Variants in RAB2A observed in about 807,000 individuals in gnomAD.
RAB2A encodes RAB2A, member RAS oncogene family.
In RAB2A, 7 loss-of-function variants were observed where a neutral mutation model predicts 32.5. That is an observed-to-expected ratio of 0.22 (90% CI 0.12 to 0.40). The LOEUF is 0.40. RAB2A is among the 10% of genes least tolerant of loss of function. The pLI is 1.00. For synonymous variants in RAB2A, 79 were observed against 85.2 expected, an observed-to-expected ratio of 0.93 and a Z score of 0.40; for missense variants, 108 against 260.7, an observed-to-expected ratio of 0.41 and a Z score of 4.03.
intron 6 of RAB2A, among the ~76,000 whole-genome samples, chr8:60,613,264 A>G (rs1223953050): frequency 2.0e-5 from 3 of 151,794 alleles, no homozygotes; most frequent in African/African-American, 7.3e-5. Context: ...TAGCACCAGT[A>G]CTCCCTTCTC....
intron 6 of RAB2A, among the ~76,000 whole-genome samples, chr8:60,611,168 C>T (rs1265232753): frequency 6.6e-6 from 1 of 152,162 alleles, no homozygotes; most frequent in Non-Finnish European, 1.5e-5. Context: ...TTGCTCTGGA[C>T]TCCTCAGTCT....
intron 1 of RAB2A, among the ~76,000 whole-genome samples, chr8:60,523,663 A>G (rs983300423): frequency 6.7e-6 from 1 of 150,364 alleles, no homozygotes. Flanking sequence ...ATCATTTACA[A>G]TTTAGATGAT....
At chr8:60,607,966 C>G (rs1016995871) in intron 6 of RAB2A, among the ~76,000 whole-genome samples, 4 of 152,198 alleles carry the variant, frequency 2.6e-5, no homozygotes, top group Non-Finnish European at 5.9e-5. Context: ...GTTTTTCCTT[C>G]TGGCTTCTAT....
intron 6 of RAB2A, among the ~76,000 whole-genome samples, chr8:60,614,039 A>G (rs1341295636): frequency 1.3e-5 from 2 of 152,134 alleles, no homozygotes; most frequent in Non-Finnish European, 2.9e-5. Context: ...AGGTGGCAGC[A>G]TGTTATGTAA....
At chr8:60,540,876 T>C (rs1340595575) in intron 1 of RAB2A, among the ~76,000 whole-genome samples, 1 of 152,226 alleles carries the variant, frequency 6.6e-6, no homozygotes, top group Non-Finnish European at 1.5e-5. Context: ...GATGACATTA[T>C]ATAAGACACA....
intron 3 of RAB2A, among the ~76,000 whole-genome samples, chr8:60,573,932 A>G (rs1178613466): frequency 1.3e-5 from 2 of 152,332 alleles, no homozygotes; most frequent in Admixed American, 6.5e-5. Flanking sequence ...ACAGGCGTGC[A>G]CCACCACACC....
intron 1 of RAB2A, among the ~76,000 whole-genome samples, chr8:60,556,461 T>C (rs1185720953): frequency 1.4e-5 from 2 of 141,106 alleles, no homozygotes; most frequent in African/African-American, 6.3e-5. Context: ...ATCACTCTTA[T>C]AAATAAGTAC....
intron 1 of RAB2A, among the ~76,000 whole-genome samples, chr8:60,535,041 C>T (rs1185221137): frequency 3.3e-5 from 5 of 152,010 alleles, no homozygotes; most frequent in Non-Finnish European, 5.9e-5. Flanking sequence ...AATTTTCAGC[C>T]GTAGCCATGA....
chr8:60,601,149 G>A (rs1804127849), intron 6 of RAB2A, among the ~76,000 whole-genome samples: 1 of 152,036 alleles, frequency 6.6e-6, no homozygotes, highest in Non-Finnish European at 1.5e-5. Context: ...ATGGAATATG[G>A]CTATAGAAGC....
At chr8:60,555,843 A>T in intron 1 of RAB2A, among the ~76,000 whole-genome samples, 1 of 152,238 alleles carries the variant, frequency 6.6e-6, no homozygotes, top group Admixed American at 6.5e-5. Flanking sequence ...CAGCAGTCCC[A>T]CTACTGGGTA....
intron 1 of RAB2A, among the ~76,000 whole-genome samples, chr8:60,528,155 G>C (rs542273921): frequency 9.2e-5 from 14 of 152,218 alleles, no homozygotes; most frequent in African/African-American, 2.6e-4. Context: ...TAAATAGGTA[G>C]GACCTCCATT....
intron 1 of RAB2A, among the ~76,000 whole-genome samples, chr8:60,557,798 C>T (rs911923964): frequency 3.9e-5 from 6 of 152,034 alleles, no homozygotes; most frequent in African/African-American, 1.5e-4. Context: ...TCTTGAACTC[C>T]TGGGCTCAAG....
intron 6 of RAB2A, among the ~76,000 whole-genome samples, chr8:60,594,474 TTTTG>T (rs781460200): frequency 1.7e-4 from 26 of 152,242 alleles, no homozygotes; most frequent in Non-Finnish European, 2.8e-4. Flanking sequence ...GCACAGTGAT[TTTTG>T]TTTGTTTGTT....
At chr8:60,570,355 T>A (rs879855158) in intron 2 of RAB2A, among the ~76,000 whole-genome samples, 8 of 152,202 alleles carry the variant, frequency 5.3e-5, no homozygotes, top group African/African-American at 9.6e-5. Context: ...GCCTCTACTC[T>A]GTCTGATACC....
intron 1 of RAB2A, among the ~76,000 whole-genome samples, chr8:60,541,265 A>G (rs929495824): frequency 1.4e-5 from 2 of 142,496 alleles, no homozygotes; most frequent in East Asian, 4.2e-4. Context: ...AAGCATGAGA[A>G]ACTGTTACAA....
At chr8:60,536,686 T>G (rs1278227596) in intron 1 of RAB2A, among the ~76,000 whole-genome samples, 1 of 152,226 alleles carries the variant, frequency 6.6e-6, no homozygotes, top group Non-Finnish European at 1.5e-5. Context: ...ATTTCTGCAG[T>G]GTCAGGATCA....
intron 1 of RAB2A, among the ~76,000 whole-genome samples, chr8:60,557,569 TTAAG>T (rs1450123628): frequency 1.3e-5 from 2 of 152,232 alleles, no homozygotes; most frequent in Admixed American, 6.5e-5. Flanking sequence ...TTTGTCTAAA[TTAAG>T]TATCATTTGT....
intron 3 of RAB2A, among the ~76,000 whole-genome samples, chr8:60,579,611 A>G (rs1480684559): frequency 6.6e-6 from 1 of 150,668 alleles, no homozygotes; most frequent in Non-Finnish European, 1.5e-5. Flanking sequence ...ATCAAACACA[A>G]CATTTATAAT....
intron 6 of RAB2A, among the ~76,000 whole-genome samples, chr8:60,614,842 A>G (rs754531552): frequency 3.9e-5 from 6 of 152,196 alleles, no homozygotes; most frequent in East Asian, 1.9e-4. Flanking sequence ...TGTGGCAGTT[A>G]AAGTCTGGGG....
Sources: gnomAD v4.1 joint callset for allele counts (sites outside exome capture counted in the v4.1 genomes callset) on GRCh38, gnomAD v4.1.1 for gene constraint, MANE v1.5 for transcripts, NCBI Gene and HGNC (gene_info 2026-07-23, HGNC 2026-07-21) for gene names.